Variants in FAT2 observed in about 807,000 individuals in gnomAD.
The protein encoded by FAT2 is FAT atypical cadherin 2.
A neutral mutation model predicts 295.3 loss-of-function variants in FAT2; 150 were observed. The observed-to-expected ratio is 0.51, with a 90% CI of 0.44 to 0.58. The LOEUF is 0.58. FAT2 is among the 20% of genes least tolerant of loss of function. The pLI, the probability that FAT2 is intolerant of heterozygous loss-of-function variation, is 0.00. For synonymous variants in FAT2, 2,026 were observed against 2,150.3 expected, an observed-to-expected ratio of 0.94 and a Z score of 1.60; for missense variants, 4,868 against 5,442.7, an observed-to-expected ratio of 0.89 and a Z score of 3.32.
chr5:151,507,420 G>C lies in FAT2; in HGVS notation c.12251C>G (p.Pro4084Arg). Reference protein sequence around the residue: ...KSHKPVAMEDPDLLARSVGVD... With the variant: ...KSHKPVAMEDRDLLARSVGVD... ...ACCAACACTCCTGGCCAGGAGGTCT[G>C]GGTCCTCCATGGCCACAGGCTTGTG... The change falls in exon 23 of 24, where the codon CCA becomes CGA. Residue 4084 changes from proline (P) to arginine (R), a missense_variant. Physicochemically the swap from Pro to Arg is moderately radical, Grantham distance 103 (BLOSUM62 -2). Coordinates refer to ENST00000261800, the MANE Select transcript of FAT2 (RefSeq NM_001447.3). 6.2e-7 allele frequency: 1 copy of C among 1,614,178 alleles called. No individual in the cohort carries two copies. Among genetic ancestry groups the C allele is most frequent in the Non-Finnish European group, 8.5e-7 (1 of 1,180,028 alleles).
chr5:151,512,676 G>C lies in FAT2; in HGVS notation c.11464-70C>G, dbSNP rs1190473867. The C allele has an allele frequency of 5.9e-6, 8 of 1,362,824 alleles. No homozygotes were observed. Among genetic ancestry groups the C allele is most frequent in the Non-Finnish European group, 8.0e-6 (8 of 1,001,944 alleles). The allele number at this position is 1,362,824 out of a possible 1,614,324, so 84.4% of individuals were successfully genotyped here. A position where few individuals can be genotyped will look rare whatever the true frequency, so the allele number is the denominator to read the frequency against. ...TTGTAAACCTGCTAAGAGGCTGCCAGTTCAAAGAATGTTGTTTGTATTTTT... is the reference window on the plus strand; with the variant it reads ...TTGTAAACCTGCTAAGAGGCTGCCACTTCAAAGAATGTTGTTTGTATTTTT... On this transcript the variant is annotated intron_variant, in intron 20 of 23. Coordinates refer to ENST00000261800, the MANE Select transcript of FAT2 (RefSeq NM_001447.3). This position sits in a 1 kb window ranked among gnomAD's most constrained non-coding sequence, Gnocchi z 4.1.
In FAT2 at chr5:151,529,577, AT is replaced by A. The variant is rs113377880; in HGVS notation, c.9812-186del. On this transcript the variant is annotated intron_variant, in intron 14 of 23. Coordinates refer to ENST00000261800, the MANE Select transcript of FAT2 (RefSeq NM_001447.3). Reference sequence around the variant, plus strand: ...GACCCCCTTCCCCATCATCTCCCTCATTTTTCTTTATTATTATTCACAACAG... The same window carrying A: ...GACCCCCTTCCCCATCATCTCCCTCATTTTCTTTATTATTATTCACAACAG... 0.16 allele frequency among the ~76,000 whole-genome samples: 24,484 copies of A among 151,388 alleles called. 2,252 individuals are homozygous for A. Among genetic ancestry groups the A allele is most frequent in the Non-Finnish European group, 0.2 (13,703 of 67,826 alleles).
intron 23 of FAT2, among the ~76,000 whole-genome samples, chr5:151,506,526 C>T (rs960910694): frequency 2.6e-5 from 4 of 152,154 alleles, no homozygotes; most frequent in Admixed American, 6.5e-5. Flanking sequence ...AGATGTGGCT[C>T]GGAAATCAGG....
chr5:151,506,992 C>T (rs1285479526), intron 23 of FAT2, among the ~76,000 whole-genome samples, 162 bp downstream of exon 23: 2 of 152,232 alleles, frequency 1.3e-5, no homozygotes, highest in African/African-American at 2.4e-5. Flanking sequence ...GTATCTGCTC[C>T]AGCATCCGTG....
Position 151,568,388 on chromosome 5 carries a change from C to T in FAT2, c.544G>A (p.Glu182Lys), listed in dbSNP as rs1758381946. 2 of 1,614,074 alleles carry T rather than the reference C, an allele frequency of 1.2e-6. No individual in the cohort carries two copies. Among genetic ancestry groups the T allele is most frequent in the Non-Finnish European group, 1.7e-6 (2 of 1,180,034 alleles). Residue 182 changes from glutamate to lysine, a missense_variant, in exon 2 of 24, where the codon GAG (glutamate) becomes AAG (lysine). Physicochemically the swap from Glu to Lys is moderately conservative, Grantham distance 56. Coordinates refer to ENST00000261800, the MANE Select transcript of FAT2 (RefSeq NM_001447.3). The part of the protein sequence containing the change: ...ATDADLGQNA[E>K]FYYAFNTRSE... Reference sequence around the variant, plus strand: ...CTTGTGTTAAAGGCATAATAGAACTCAGCATTCTGGCCTAGATCAGCATCT... The same window carrying T: ...CTTGTGTTAAAGGCATAATAGAACTTAGCATTCTGGCCTAGATCAGCATCT...
intron 10 of FAT2, among the ~76,000 whole-genome samples, chr5:151,541,769 C>T (rs1756171848): frequency 6.6e-6 from 1 of 152,242 alleles, no homozygotes; most frequent in South Asian, 2.1e-4. Context: ...GGTTGAACTT[C>T]TCCATCTGGG....
At chr5:151,591,801 T>C (rs1759422084), upstream of FAT2, among the ~76,000 whole-genome samples, 1 of 151,816 alleles carries the variant, frequency 6.6e-6, no homozygotes, top group Non-Finnish European at 1.5e-5. Flanking sequence ...CTCAGTTTCC[T>C]TTTTTGAAAA....
In FAT2 at chr5:151,512,362, G is replaced by A. The variant is rs1344628477; in HGVS notation, c.11708C>T (p.Ser3903Leu). The A allele has an allele frequency of 3.1e-6, 5 of 1,614,094 alleles. No individual in the cohort carries two copies. Among genetic ancestry groups the A allele is most frequent in the Admixed American group, 3.3e-5 (2 of 60,008 alleles). The change falls in exon 21 of 24, where the codon TCG (serine) becomes TTG (leucine). Residue 3903 changes from serine to leucine, a missense_variant. By Grantham distance (145) the Ser-to-Leu change is moderately radical. Transcript: ENST00000261800. This position sits in a 1 kb window ranked among gnomAD's most constrained non-coding sequence, Gnocchi z 4.1. ...GCCTTCAAAGCCCTGGGAGACATTC[G>A]AGGAAGAATGCAACAGAATGAGGCC... ...LGGLILLHSS[S>L]NVSQGFEGCL...
chr5:151,546,088 A>G lies in FAT2; in HGVS notation c.5039T>C (p.Leu1680Pro). 6.2e-7 allele frequency: 1 copy of G among 1,614,178 alleles called. No homozygotes were observed. The highest frequency in any genetic ancestry group is 8.5e-7 in the Non-Finnish European group (1 of 1,180,024). Residue 1680 changes from leucine to proline, a missense_variant, in exon 10 of 24, where the codon CTC becomes CCC. Around this residue, in one of 5 missense-constraint regions of FAT2, gnomAD observed 3,297 missense variants for 3,669.4 expected, o/e 0.90. Coordinates refer to ENST00000261800, the MANE Select transcript of FAT2 (RefSeq NM_001447.3). ...PESIPVGSPI[L>P]LVSAMSPSEV... The stretch of plus-strand genomic sequence containing the variant: ...AGAGGGGCTCATAGCAGAGACAAGG[A>G]GGATTGGGGAACCAACAGGGATTGA...
At chr5:151,565,647 A>AGGGC in intron 2 of FAT2, 26 bp downstream of exon 2, 76 of 1,460,750 alleles carry the variant, frequency 5.2e-5, no homozygotes, top group Middle Eastern at 2.0e-4. Context: ...TGGCCCTGGC[A>AGGGC]CCCCACCCTA....
At chr5:151,540,154 G>T (rs918403208) in intron 11 of FAT2, among the ~76,000 whole-genome samples, 43 of 152,232 alleles carry the variant, frequency 2.8e-4, no homozygotes, top group Non-Finnish European at 5.9e-4. Context: ...CAGAGAAATA[G>T]ACCTTTGTTG....
chr5:151,512,454 G>T lies in FAT2; in HGVS notation c.11616C>A (p.Gly3872=). 2 of 1,614,224 alleles carry T rather than the reference G, an allele frequency of 1.2e-6. No individual in the cohort carries two copies. The highest frequency in any genetic ancestry group is 1.7e-6 in the Non-Finnish European group (2 of 1,180,040). ...ASIRLMVDSM[G]NTSLVVPENC... is the part of the protein sequence containing the mutation. ...TCTCTGGGACCACAAGGGAGGTGTT[G>T]CCCATGCTGTCAACCATCAGGCGAA... is the stretch of plus-strand genomic sequence containing the variant. The change falls in exon 21 of 24, where the codon GGC becomes GGA. Residue 3872 remains glycine, a synonymous_variant. Coordinates refer to ENST00000261800, the MANE Select transcript of FAT2 (RefSeq NM_001447.3). The surrounding 1 kb of genome is among the most constrained non-coding windows in gnomAD (Gnocchi z 4.1).
In FAT2 at chr5:151,567,095, T is replaced by G; in HGVS notation, c.1837A>C (p.Asn613His). 1 of 1,614,148 alleles carries G rather than the reference T, an allele frequency of 6.2e-7. No homozygotes were observed. The highest frequency in any genetic ancestry group is 8.5e-7 in the Non-Finnish European group (1 of 1,180,026). ...SGNELEYFDL[N>H]HFSGVISLKR... ...AGGGATATCACTCCGGAGAAATGAT[T>G]TAGATCAAAATACTCTAGTTCATTG... is the stretch of plus-strand genomic sequence containing the variant. Residue 613 changes from asparagine to histidine, a missense_variant, in exon 2 of 24, where the codon AAT becomes CAT. Asn to His is a moderately conservative substitution (Grantham distance 68). Coordinates refer to ENST00000261800, the MANE Select transcript of FAT2 (RefSeq NM_001447.3).
chr5:151,541,601 A>G (rs956183818), intron 10 of FAT2, among the ~76,000 whole-genome samples: 1 of 152,238 alleles, frequency 6.6e-6, no homozygotes, highest in Non-Finnish European at 1.5e-5. Context: ...AAAAGGCCAC[A>G]GGAGTGAAGA....
chr5:151,587,998 G>A (rs1759243968), intron 1 of FAT2, among the ~76,000 whole-genome samples: 1 of 152,222 alleles, frequency 6.6e-6, no homozygotes, highest in Non-Finnish European at 1.5e-5. Flanking sequence ...AACTGGCTGT[G>A]TGACATCTGT....
chr5:151,507,623 G>GAGA lies in FAT2; in HGVS notation c.12060-13_12060-12insTCT, dbSNP rs75548276. On this transcript the variant is annotated splice_polypyrimidine_tract_variant and intron_variant, in intron 22 of 23. Transcript: ENST00000261800. ...CCTCCATTTCACACCTGCGGAGACAGAGTAGTCAGGGGGCCAAGTCATGAA... is the reference window on the plus strand; with the variant it reads ...CCTCCATTTCACACCTGCGGAGACAGAGAAGTAGTCAGGGGGCCAAGTCATGAA... 1,277,886 of 1,589,644 alleles carry GAGA rather than the reference G, an allele frequency of 0.8. 516,476 individuals are homozygous for GAGA. Among genetic ancestry groups the GAGA allele is most frequent in the East Asian group, 0.99 (43,965 of 44,622 alleles).
intron 12 of FAT2, among the ~76,000 whole-genome samples, chr5:151,537,523 C>T (rs1006638841): frequency 6.6e-6 from 1 of 151,788 alleles, no homozygotes; most frequent in East Asian, 1.9e-4. Context: ...AAAATAAATC[C>T]CCTTAGCATT....
rs1304770226 is a variant in FAT2 at position 151,531,939 on chromosome 5, C to T, written c.9459G>A (p.Pro3153=). 9.9e-6 allele frequency: 16 copies of T among 1,614,106 alleles called. No individual in the cohort carries two copies. The highest frequency in any genetic ancestry group is 1.0e-5 in the Non-Finnish European group (12 of 1,180,052). Residue 3153 remains proline (P), a synonymous_variant, in exon 14 of 24, where the codon CCG becomes CCA. Coordinates refer to ENST00000261800, the MANE Select transcript of FAT2 (RefSeq NM_001447.3). The surrounding 1 kb of genome is among the most constrained non-coding windows in gnomAD (Gnocchi z 5.7). ...GANAQVVYSL[P]DSAEGHFSID... is the part of the protein sequence containing the mutation. ...TGGAAAAGTGGCCTTCGGCTGAATC[C>T]GGCAGAGAGTAAACCACCTGGGCAT...
In FAT2 at chr5:151,512,476, C is replaced by T. The variant is rs139222111; in HGVS notation, c.11594G>A (p.Arg3865His). The change falls in exon 21 of 24, where the codon CGC (arginine) becomes CAC (histidine). Residue 3865 changes from arginine to histidine, a missense_variant. Arg to His is a conservative substitution (Grantham distance 29). Around this residue, in one of 5 missense-constraint regions of FAT2, gnomAD observed 1,046 missense variants for 1,210.1 expected, o/e 0.86. Coordinates refer to ENST00000261800, the MANE Select transcript of FAT2 (RefSeq NM_001447.3). The surrounding 1 kb of genome is among the most constrained non-coding windows in gnomAD (Gnocchi z 4.1). ...ILVEEMDASI[R>H]LMVDSMGNTS... ...GTTGCCCATGCTGTCAACCATCAGG[C>T]GAATGGAAGCGTCCATCTCCTCCAC... 20 of 1,614,050 alleles carry T rather than the reference C, an allele frequency of 1.2e-5. No individual in the cohort carries two copies. The highest frequency in any genetic ancestry group is 8.0e-5 in the African/African-American group (6 of 74,914).
Sources: gnomAD v4.1 joint callset for allele counts (sites outside exome capture counted in the v4.1 genomes callset) on GRCh38, gnomAD v4.1.1 for gene constraint, gnomAD v4.1.1 regional missense constraint, Gnocchi (gnomAD v3.1) non-coding constraint, MANE v1.5 for transcripts, NCBI Gene and HGNC (gene_info 2026-07-23, HGNC 2026-07-21) for gene names.